The following POU6F2 variants were observed in gnomAD, a reference collection of about 807,000 sequenced individuals.
POU6F2 encodes the protein POU class 6 homeobox 2, also known as POU domain, class 6, transcription factor 2.
Under a neutral mutation model 71.3 loss-of-function variants are expected in POU6F2, and 31 were observed. That is an observed-to-expected ratio of 0.43 (90% CI 0.33 to 0.59). The LOEUF (loss-of-function observed/expected upper bound fraction) is 0.59. Ranked by LOEUF, POU6F2 falls within the 20% of genes least tolerant of loss-of-function variation. The pLI is 0.04. For synonymous variants in POU6F2, 347 were observed against 355.7 expected (o/e 0.98, Z 0.27); for missense variants, 783 against 856.8 (o/e 0.91, Z 1.07).
At chr7:39,232,483 C>G (rs1323680953) in intron 4 of POU6F2, among the ~76,000 whole-genome samples, 3 of 152,194 alleles carry the variant, frequency 2.0e-5, no homozygotes, top group Admixed American at 2.0e-4. Context: ...AAGACTATCA[C>G]TCATGGTCAC....
chr7:39,311,481 C>T (rs1056818978), intron 4 of POU6F2, among the ~76,000 whole-genome samples: 2 of 152,170 alleles, frequency 1.3e-5, no homozygotes, highest in Non-Finnish European at 2.9e-5. Context: ...ACGTAAGCTC[C>T]GCATTGGCAG....
intron 5 of POU6F2, among the ~76,000 whole-genome samples, chr7:39,360,731 T>A (rs978835643): frequency 6.6e-6 from 1 of 152,240 alleles, no homozygotes; most frequent in African/African-American, 2.4e-5. Context: ...CCCATTTTTA[T>A]GGTTATTTCT....
chr7:39,434,278 G>A (rs974282163), intron 7 of POU6F2, among the ~76,000 whole-genome samples: 1 of 152,060 alleles, frequency 6.6e-6, no homozygotes, highest in African/African-American at 2.4e-5. Context: ...CATGTGATTG[G>A]AGCAGAGAGG....
At chr7:39,053,341 C>T (rs1262316014) in intron 1 of POU6F2, among the ~76,000 whole-genome samples, 1 of 152,064 alleles carries the variant, frequency 6.6e-6, no homozygotes, top group Non-Finnish European at 1.5e-5. Context: ...TAATTTTGCC[C>T]AATAAGGTAC....
chr7:39,092,751 T>C (rs557926268), intron 2 of POU6F2, among the ~76,000 whole-genome samples: 4 of 152,194 alleles, frequency 2.6e-5, no homozygotes, highest in Non-Finnish European at 5.9e-5. Context: ...GTGGACTTGT[T>C]TGGAGACATC....
chr7:39,059,279 C>A (rs906415681), intron 1 of POU6F2, among the ~76,000 whole-genome samples: 5 of 151,942 alleles, frequency 3.3e-5, no homozygotes, highest in African/African-American at 1.2e-4. Flanking sequence ...ATGTTGAGAT[C>A]TTTTAAATTA....
At chr7:39,409,602 G>C (rs1018121177) in intron 6 of POU6F2, among the ~76,000 whole-genome samples, 2 of 151,788 alleles carry the variant, frequency 1.3e-5, no homozygotes, top group Non-Finnish European at 3.0e-5. Flanking sequence ...GACATACCCA[G>C]TGTCTCACAG....
chr7:39,092,449 T>C (rs1304871135), intron 2 of POU6F2, among the ~76,000 whole-genome samples: 1 of 152,222 alleles, frequency 6.6e-6, no homozygotes, highest in Non-Finnish European at 1.5e-5. Context: ...TGTCTTTTCT[T>C]TGAGAAACAA....
chr7:39,332,307 G>GGCT (rs1316011934), intron 4 of POU6F2, among the ~76,000 whole-genome samples: 2 of 152,262 alleles, frequency 1.3e-5, no homozygotes, highest in Non-Finnish European at 2.9e-5. Context: ...GCTGTGGACT[G>GGCT]GCTGCTGTCT....
chr7:39,108,721 G>A (rs1194880024), intron 2 of POU6F2, among the ~76,000 whole-genome samples: 1 of 152,114 alleles, frequency 6.6e-6, no homozygotes, highest in African/African-American at 2.4e-5. Context: ...TCTATCTACA[G>A]ATTCTAGTTT....
At chr7:39,149,393 AAAAT>A (rs969433979) in intron 2 of POU6F2, among the ~76,000 whole-genome samples, 18 of 152,184 alleles carry the variant, frequency 1.2e-4, no homozygotes. Flanking sequence ...GTTAATTTTT[AAAAT>A]AAATTTTATT....
At chr7:39,155,707 A>G (rs911390710) in intron 2 of POU6F2, among the ~76,000 whole-genome samples, 10 of 152,238 alleles carry the variant, frequency 6.6e-5, no homozygotes, top group Non-Finnish European at 1.2e-4. Context: ...ATCCAATTTT[A>G]TAATTTACAT....
chr7:39,462,251 T>TCC (rs1176996617), intron 9 of POU6F2, among the ~76,000 whole-genome samples: 3 of 152,212 alleles, frequency 2.0e-5, no homozygotes, highest in African/African-American at 7.2e-5. Flanking sequence ...TCTAGTATAA[T>TCC]AGAACATGTC....
intron 2 of POU6F2, among the ~76,000 whole-genome samples, chr7:39,198,955 A>G (rs1793840464): frequency 6.6e-6 from 1 of 152,270 alleles, no homozygotes; most frequent in Non-Finnish European, 1.5e-5. Flanking sequence ...TCTTAGAATA[A>G]GTAACCTTTG....
intron 9 of POU6F2, among the ~76,000 whole-genome samples, chr7:39,463,903 C>G (rs572789518): frequency 6.6e-6 from 1 of 152,246 alleles, no homozygotes; most frequent in African/African-American, 2.4e-5. Flanking sequence ...AGGGAAAAGG[C>G]CTGTGAGTTG....
At position 39,017,192 on chromosome 7, in the gene POU6F2, T is replaced by G. The variant is rs1486019779; in HGVS notation, c.105+39134T>G. 2.6e-5 allele frequency among the ~76,000 whole-genome samples: 4 copies of G among 152,218 alleles called. No homozygotes were observed. In the East Asian group the frequency reaches 5.8e-4, roughly 22 times the overall value. ...GGATGCTGTACTCAATAAATACATA[T>G]TATGTCAATGATTTTATATCATTTA... On this transcript the variant is annotated intron_variant, in intron 1 of 9. Coordinates refer to ENST00000518318, the MANE Select transcript of POU6F2 (RefSeq NM_001370959.1).
chr7:39,274,171 AAAG>A (rs1784391713), intron 4 of POU6F2, among the ~76,000 whole-genome samples: 1 of 152,176 alleles, frequency 6.6e-6, no homozygotes, highest in Admixed American at 6.5e-5. Flanking sequence ...ATAAAGAAAA[AAAG>A]AGAGAAGAAT....
At chr7:39,306,315 A>C (rs377263379) in intron 4 of POU6F2, among the ~76,000 whole-genome samples, 11 of 152,228 alleles carry the variant, frequency 7.2e-5, no homozygotes, top group East Asian at 1.9e-4. Flanking sequence ...AATAGCTATC[A>C]CTCATTGAAT....
At chr7:39,015,698 T>TAC (rs1789475142) in intron 1 of POU6F2, among the ~76,000 whole-genome samples, 2 of 7,800 alleles carry the variant, frequency 2.6e-4, no homozygotes, top group Non-Finnish European at 7.9e-4. Context: ...ATCTATATAT[T>TAC]ATATATATCT....
Sources: allele counts gnomAD v4.1 joint callset (sites outside exome capture counted in the v4.1 genomes callset), GRCh38; gene constraint gnomAD v4.1.1; transcripts MANE v1.5; gene names NCBI Gene and HGNC (gene_info 2026-07-23, HGNC 2026-07-21).